Variants in PFKFB3 observed in about 807,000 individuals in gnomAD.
The protein encoded by PFKFB3 is 6-phosphofructo-2-kinase/fructose-2,6-biphosphatase 3.
In PFKFB3, 33 loss-of-function variants were observed where a neutral mutation model predicts 68.0. That is an observed-to-expected ratio of 0.49 (90% CI 0.37 to 0.65). The LOEUF is 0.65. Among genes scored for constraint, PFKFB3 ranks in the 30% least tolerant of loss-of-function variants. PFKFB3 has a pLI of 0.00. For missense variants in PFKFB3, 586 were observed against 712.2 expected (o/e 0.82, Z 2.02); for synonymous variants, 315 against 288.2 (o/e 1.09, Z -0.94).
chr10:6,190,661 C>G (rs182270174), intron 1 of PFKFB3, among the ~76,000 whole-genome samples: 1 of 152,172 alleles, frequency 6.6e-6, no homozygotes, highest in Non-Finnish European at 1.5e-5. Flanking sequence ...ACAAAAACAA[C>G]AGATTGTACC....
At chr10:6,211,875 A>T (rs1301935514) in intron 1 of PFKFB3, among the ~76,000 whole-genome samples, 2 of 152,224 alleles carry the variant, frequency 1.3e-5, no homozygotes, top group East Asian at 3.8e-4. Context: ...AAGGCCCGGC[A>T]TGCCATGCCT....
At chr10:6,209,412 A>G (rs187600480) in intron 1 of PFKFB3, among the ~76,000 whole-genome samples, 286 of 152,298 alleles carry the variant, frequency 1.9e-3, no homozygotes, top group African/African-American at 6.6e-3. Context: ...AATATTGAAC[A>G]TTTACATAAA....
the PFKFB3 span, among the ~76,000 whole-genome samples, chr10:6,300,434 G>C: frequency 2.0e-5 from 3 of 152,160 alleles, no homozygotes; most frequent in Non-Finnish European, 2.9e-5. Context: ...CTCAAGTTCA[G>C]TTGCATCAGG....
At chr10:6,259,278 A>G (rs1846518109), downstream of PFKFB3, among the ~76,000 whole-genome samples, 1 of 146,458 alleles carries the variant, frequency 6.8e-6, no homozygotes, top group Non-Finnish European at 1.5e-5. Context: ...CCACCCAACC[A>G]TCCATCCATC....
chr10:6,211,956 G>A (rs1844258149), intron 1 of PFKFB3, among the ~76,000 whole-genome samples: 1 of 152,240 alleles, frequency 6.6e-6, no homozygotes, highest in Admixed American at 6.5e-5. Flanking sequence ...GCCCTGCTGG[G>A]GGCTCCGGCT....
At chr10:6,325,874 T>C in the PFKFB3 span, among the ~76,000 whole-genome samples, 1 of 152,268 alleles carries the variant, frequency 6.6e-6, no homozygotes, top group East Asian at 1.9e-4. Context: ...AAGATGGAAA[T>C]AGCAATGTGT....
At chr10:6,279,109 A>G in the PFKFB3 span, among the ~76,000 whole-genome samples, 3 of 152,276 alleles carry the variant, frequency 2.0e-5, no homozygotes. Flanking sequence ...GCATAAGATC[A>G]TAATAATGCA....
chr10:6,320,787 A>G, the PFKFB3 span, among the ~76,000 whole-genome samples: 1 of 151,994 alleles, frequency 6.6e-6, no homozygotes, highest in African/African-American at 2.4e-5. Context: ...TTTAACCTAA[A>G]ACTGGCTCTC....
Position 6,233,018 on chromosome 10 carries a change from G to A in PFKFB3, c.*76G>A. On this transcript the variant is annotated 3_prime_UTR_variant, in exon 15 of 15. Transcript: ENST00000379775. ...TCCTGCCCTCCGCCCGAGGCAAAAC[G>A]TATCCTGAGGACTTCTTCCGGAGAG... 7.9e-6 allele frequency: 9 copies of A among 1,146,182 alleles called. No homozygotes were observed. Among genetic ancestry groups the A allele is most frequent in the Admixed American group, 3.4e-5 (2 of 59,018 alleles). 71.0% of individuals were successfully genotyped at this position (1,146,182 alleles called of 1,614,324 possible).
At chr10:6,269,305 G>A in the PFKFB3 span, among the ~76,000 whole-genome samples, 15,510 of 151,038 alleles carry the variant, frequency 0.1, 1,597 homozygotes, top group African/African-American at 0.26. Flanking sequence ...ATTTAAGACT[G>A]AATTATAGAC....
chr10:6,256,986 T>A (rs1267677010), downstream of PFKFB3, among the ~76,000 whole-genome samples: 1 of 152,348 alleles, frequency 6.6e-6, no homozygotes, highest in Non-Finnish European at 1.5e-5. Flanking sequence ...TCAACCTACT[T>A]AGAGCTCTTT....
chr10:6,241,958 A>C lies in PFKFB3; in HGVS notation c.1516-12220A>C, dbSNP rs552494481. 7.3e-3 allele frequency among the ~76,000 whole-genome samples: 1,092 copies of C among 149,434 alleles called. 10 individuals carry two copies. Among genetic ancestry groups the C allele is most frequent in the Middle Eastern group, 0.045 (13 of 286 alleles). ...ACACCTGGGCTCAAGCAGTCCTCCC[A>C]CCTCAGCCCCCCGAGTAGCTGGGAT... On this transcript the variant is annotated intron_variant, in intron 14 of 14. Transcript: ENST00000640683.
At position 6,245,199 on chromosome 10, in the gene PFKFB3, C is replaced by T. The variant is rs185607531; in HGVS notation, c.1516-8979C>T. Among the ~76,000 whole-genome samples, 5 of 151,322 alleles carry T rather than the reference C, an allele frequency of 3.3e-5. No individual in the cohort carries two copies. The East Asian group carries it at 7.8e-4, about 24-fold the overall frequency. Reference sequence around the variant, plus strand: ...GCAACCTCTGTCTCCTGAGTTCAAGCAATTCTCCTTCCTCAGCCTCCCGAG... The same window carrying T: ...GCAACCTCTGTCTCCTGAGTTCAAGTAATTCTCCTTCCTCAGCCTCCCGAG... On this transcript the variant is annotated intron_variant, in intron 14 of 14. Coordinates refer to the PFKFB3 transcript ENST00000640683.
intron 13 of PFKFB3, 62 bp from the exon 14 acceptor site, chr10:6,226,130 C>A: frequency 2.1e-6 from 3 of 1,425,010 alleles, no homozygotes; most frequent in Non-Finnish European, 2.8e-6. Context: ...TTTTTTGGGG[C>A]TAATTTTCCT....
intron 14 of PFKFB3, among the ~76,000 whole-genome samples, chr10:6,250,584 A>C (rs1314857804): frequency 6.6e-6 from 1 of 151,660 alleles, no homozygotes; most frequent in African/African-American, 2.4e-5. Context: ...AAAAAAAAAA[A>C]AAGAGGTGGG....
chr10:6,320,462 T>A, the PFKFB3 span, among the ~76,000 whole-genome samples: 3 of 132,116 alleles, frequency 2.3e-5, no homozygotes, highest in African/African-American at 1.0e-4. Flanking sequence ...CTTCTTCTTC[T>A]TTTTTTTTTT....
chr10:6,309,001 GACAA>G, the PFKFB3 span, among the ~76,000 whole-genome samples: 1 of 152,102 alleles, frequency 6.6e-6, no homozygotes, highest in African/African-American at 2.4e-5. Context: ...TGCTCTACAG[GACAA>G]ACAAACTGAT....
chr10:6,149,358 G>A (rs544284864), intron 1 of PFKFB3, among the ~76,000 whole-genome samples: 1 of 152,022 alleles, frequency 6.6e-6, no homozygotes, highest in Non-Finnish European at 1.5e-5. Flanking sequence ...AGGCCAAGGC[G>A]GGTGGATCAC....
At chr10:6,282,236 A>G in the PFKFB3 span, among the ~76,000 whole-genome samples, 160 of 152,262 alleles carry the variant, frequency 1.1e-3, no homozygotes, top group African/African-American at 3.6e-3. Context: ...GGGCATGGAA[A>G]AGAATTGGTG....
Sources: allele counts gnomAD v4.1 joint callset (sites outside exome capture counted in the v4.1 genomes callset), GRCh38; gene constraint gnomAD v4.1.1; transcripts MANE v1.5; gene names NCBI Gene and HGNC (gene_info 2026-07-23, HGNC 2026-07-21).